The following CRB1 variants were observed in gnomAD, a reference collection of about 807,000 sequenced individuals.
The protein encoded by CRB1 is protein crumbs homolog 1.
A neutral mutation model predicts 120.0 loss-of-function variants in CRB1; 83 were observed. The ratio of observed to expected loss-of-function variants is 0.69; its 90% CI spans 0.58 to 0.83. The LOEUF (loss-of-function observed/expected upper bound fraction) is 0.83. Among genes scored for constraint, CRB1 ranks in the 40% least tolerant of loss-of-function variants. CRB1 has a pLI of 0.00. For missense variants in CRB1, 1,699 were observed against 1,687.6 expected (o/e 1.01, Z -0.12); for synonymous variants, 625 against 612.5 (o/e 1.02, Z -0.30).
the CRB1 span, among the ~76,000 whole-genome samples, chr1:197,209,902 A>G: frequency 0.014 from 2,150 of 152,288 alleles, 52 homozygotes; most frequent in African/African-American, 0.046. Flanking sequence ...CCTTTTACAC[A>G]TTCACACTTT....
At chr1:197,291,737 G>A (rs571940327) in intron 1 of CRB1, among the ~76,000 whole-genome samples, 1 of 151,900 alleles carries the variant, frequency 6.6e-6, no homozygotes, top group African/African-American at 2.4e-5. Context: ...TGAAATTTTA[G>A]ATTGCATATA....
At chr1:197,447,397 T>C (rs1665751104) in intron 11 of CRB1, 1 of 152,186 alleles carries the variant, frequency 6.6e-6, no homozygotes, top group Admixed American at 6.5e-5. Context: ...AATTATGCAA[T>C]TGTGTACATA....
At chr1:197,353,139 T>G (rs1160877477) in intron 4 of CRB1, among the ~76,000 whole-genome samples, 2 of 152,196 alleles carry the variant, frequency 1.3e-5, no homozygotes, top group Non-Finnish European at 2.9e-5. Flanking sequence ...AAGAATTGGG[T>G]GGCATGAGAG....
chr1:197,305,839 G>A (rs1172463714), intron 1 of CRB1, among the ~76,000 whole-genome samples: 2 of 148,162 alleles, frequency 1.3e-5, no homozygotes, highest in African/African-American at 5.0e-5. Flanking sequence ...ATGTAATACA[G>A]AAAGATCTAC....
At chr1:197,255,909 C>T in the CRB1 span, among the ~76,000 whole-genome samples, 1 of 145,394 alleles carries the variant, frequency 6.9e-6, no homozygotes, top group Admixed American at 7.1e-5. Context: ...TTCCTATCTA[C>T]TGGGCCATTC....
At chr1:197,306,451 GAAGAACTTATCCTAC>G (rs1657180037) in intron 1 of CRB1, among the ~76,000 whole-genome samples, 1 of 152,156 alleles carries the variant, frequency 6.6e-6, no homozygotes, top group South Asian at 2.1e-4. Context: ...ACTTTGGAAG[GAAGAACTTATCCTAC>G]AGTAAACAGT....
At chr1:197,281,610 G>C (rs75896008) in intron 1 of CRB1, among the ~76,000 whole-genome samples, 1 of 151,956 alleles carries the variant, frequency 6.6e-6, no homozygotes, top group East Asian at 2.0e-4. Context: ...TGTAGTTAGA[G>C]AGACCTAGCA....
At chr1:197,307,605 G>A (rs1427476134) in intron 1 of CRB1, among the ~76,000 whole-genome samples, 2 of 152,158 alleles carry the variant, frequency 1.3e-5, no homozygotes, top group Non-Finnish European at 2.9e-5. Context: ...CACTCTTGAT[G>A]TTCAATGAGT....
rs181705144 is a variant in CRB1 at position 197,356,683 on chromosome 1, C to T, written c.989-148C>T. The T allele has an allele frequency of 7.2e-5, 55 of 768,806 alleles. No homozygotes were observed. The African/African-American group carries it at 7.2e-4, about 10-fold the overall frequency. The allele number at this position is 768,806 out of a possible 1,614,324, so 47.6% of individuals were successfully genotyped here. A position where few individuals can be genotyped will look rare whatever the true frequency, so the allele number is the denominator to read the frequency against. ...AGTACTTGTTTCCACTAAGCCTCCT[C>T]TTACCAGATTCCCCTTACCAGCTCC... On this transcript the variant is annotated intron_variant, in intron 4 of 11. Coordinates refer to ENST00000367400, the MANE Select transcript of CRB1 (RefSeq NM_201253.3).
intron 8 of CRB1, among the ~76,000 whole-genome samples, chr1:197,432,738 G>A (rs1362273427): frequency 6.6e-6 from 1 of 152,124 alleles, no homozygotes; most frequent in Non-Finnish European, 1.5e-5. Context: ...TGGGAGCTAT[G>A]AAGAAAATTA....
In CRB1 at chr1:197,328,404, C is replaced by T. The variant is rs748239943; in HGVS notation, c.71-18C>T. On this transcript the variant is annotated intron_variant, in intron 1 of 11. Coordinates refer to ENST00000367400, the MANE Select transcript of CRB1 (RefSeq NM_201253.3). ...CTCATTTATAAATTTAATCTTGTTA[C>T]TTTTTATTTCCTTGTAGATTCCTTT... 4.4e-6 allele frequency: 7 copies of T among 1,576,118 alleles called. No homozygotes were observed. Among genetic ancestry groups the T allele is most frequent in the Non-Finnish European group, 6.1e-6 (7 of 1,146,488 alleles).
chr1:197,438,814 G>A, intron 10 of CRB1, 139 bp downstream of exon 10: 2 of 990,820 alleles, frequency 2.0e-6, no homozygotes, highest in Admixed American at 5.1e-5. Context: ...CAGACAGAAT[G>A]AAACAATAAA....
chr1:197,346,530 A>C (rs1307822588), intron 3 of CRB1, among the ~76,000 whole-genome samples: 3 of 152,210 alleles, frequency 2.0e-5, no homozygotes, highest in East Asian at 3.9e-4. Flanking sequence ...GGTGATAAAA[A>C]CACACACAGC....
At position 197,421,632 on chromosome 1, in the gene CRB1, GATCA is replaced by G; in HGVS notation, c.1811_1814del (p.Ser604TyrfsTer16). On this transcript the variant is annotated frameshift_variant, in exon 6 of 12. Transcript: ENST00000367400. LOFTEE classifies it high-confidence loss of function. ...GAAAGCTCCTACTCCACTTGAAAGT[GATCA>G]ATCAATATGTGCTTTTCAGAACTCC... 6.2e-7 allele frequency: 1 copy of G among 1,614,208 alleles called. No individual in the cohort carries two copies. Among genetic ancestry groups the G allele is most frequent in the Non-Finnish European group, 8.5e-7 (1 of 1,180,036 alleles).
chr1:197,474,824 A>C (rs913764686), intron 11 of CRB1, among the ~76,000 whole-genome samples: 4 of 152,170 alleles, frequency 2.6e-5, no homozygotes, highest in African/African-American at 9.7e-5. Flanking sequence ...TGAAATCAAC[A>C]TCTAAGAACA....
At chr1:197,262,175 AAAAC>A in the CRB1 span, among the ~76,000 whole-genome samples, 1 of 152,178 alleles carries the variant, frequency 6.6e-6, no homozygotes, top group African/African-American at 2.4e-5. Flanking sequence ...TAGTACGTGT[AAAAC>A]AAACAAATGC....
At chr1:197,307,336 G>GT (rs1257863568) in intron 1 of CRB1, among the ~76,000 whole-genome samples, 1 of 152,134 alleles carries the variant, frequency 6.6e-6, no homozygotes, top group Admixed American at 6.6e-5. Flanking sequence ...TTTACAGCTT[G>GT]TTTGGACAGG....
At chr1:197,457,115 T>C (rs1453890712) in intron 11 of CRB1, among the ~76,000 whole-genome samples, 2 of 152,122 alleles carry the variant, frequency 1.3e-5, no homozygotes, top group African/African-American at 4.8e-5. Flanking sequence ...TTTGTTCTCA[T>C]AATGTTCCAG....
intron 1 of CRB1, among the ~76,000 whole-genome samples, chr1:197,323,452 A>G (rs1658317526): frequency 6.6e-6 from 1 of 152,214 alleles, no homozygotes; most frequent in African/African-American, 2.4e-5. Context: ...TACTGTGAGA[A>G]TTTCAATTTG....
Sources: gnomAD v4.1 joint callset for allele counts (sites outside exome capture counted in the v4.1 genomes callset) on GRCh38, gnomAD v4.1.1 for gene constraint, MANE v1.5 for transcripts, NCBI Gene and HGNC (gene_info 2026-07-23, HGNC 2026-07-21) for gene names.